The following AMMECR1 variants were observed in gnomAD, a reference collection of about 807,000 sequenced individuals.
The protein encoded by AMMECR1 is nuclear protein AMMECR1.
A neutral mutation model predicts 22.5 loss-of-function variants in AMMECR1; 3 were observed. The ratio of observed to expected loss-of-function variants is 0.13; its 90% CI spans 0.06 to 0.35. The LOEUF is 0.35. Among genes scored for constraint, AMMECR1 ranks in the 10% least tolerant of loss-of-function variants. The pLI is 1.00. For synonymous variants in AMMECR1, 130 were observed against 116.7 expected, an observed-to-expected ratio of 1.11 and a Z score of -0.74; for missense variants, 235 against 278.7, an observed-to-expected ratio of 0.84 and a Z score of 1.12.
chrX:110,370,770 A>G (rs940347860), intron 2 of AMMECR1, among the ~76,000 whole-genome samples: 1 of 112,277 alleles, frequency 8.9e-6, no homozygotes, highest in Non-Finnish European at 1.9e-5. Context: ...CCACATGGCT[A>G]AGATGTTCAC....
At chrX:110,234,801 C>T (rs1356781759) in intron 2 of AMMECR1, among the ~76,000 whole-genome samples, 1 of 111,675 alleles carries the variant, frequency 9.0e-6, no homozygotes, top group African/African-American at 3.3e-5. Context: ...AACTGGATCC[C>T]TTCCTTACAC....
intron 2 of AMMECR1, among the ~76,000 whole-genome samples, chrX:110,217,968 T>C (rs17320729): frequency 0.02 from 2,268 of 111,329 alleles, 27 homozygotes; most frequent in Middle Eastern, 0.032. Flanking sequence ...TAAAAGTATA[T>C]ATGTTTTTCC....
intron 4 of AMMECR1, 24 bp downstream of exon 4, chrX:110,202,422 T>C: frequency 1.8e-6 from 2 of 1,136,166 alleles, no homozygotes; most frequent in Non-Finnish European, 1.2e-6. Flanking sequence ...CACCAGATCA[T>C]ATGAAATAAA....
intron 1 of AMMECR1, among the ~76,000 whole-genome samples, chrX:110,292,389 C>G (rs1210618572): frequency 1.8e-5 from 2 of 111,879 alleles, no homozygotes; most frequent in Non-Finnish European, 3.8e-5. Context: ...AACCTTATGT[C>G]CACACAAAAC....
intron 2 of AMMECR1, among the ~76,000 whole-genome samples, chrX:110,332,483 CTGGTG>C (rs1419582231): frequency 5.4e-5 from 6 of 112,096 alleles, no homozygotes; most frequent in African/African-American, 1.9e-4. Flanking sequence ...CTGCTGCTTA[CTGGTG>C]CCATGCCTCA....
chrX:110,400,342 A>G (rs771098738), intron 2 of AMMECR1, among the ~76,000 whole-genome samples: 4 of 108,605 alleles, frequency 3.7e-5, no homozygotes, highest in Non-Finnish European at 7.6e-5. Context: ...AAACTATTCT[A>G]AATATAAGGA....
At chrX:110,387,252 C>T (rs1274266050) in intron 2 of AMMECR1, among the ~76,000 whole-genome samples, 2 of 112,462 alleles carry the variant, frequency 1.8e-5, no homozygotes, top group Non-Finnish European at 3.8e-5. Context: ...TGAAGACTTA[C>T]GTGGCCTCTG....
intron 2 of AMMECR1, among the ~76,000 whole-genome samples, chrX:110,347,729 G>A (rs944483552): frequency 1.2e-4 from 14 of 112,489 alleles, no homozygotes; most frequent in African/African-American, 4.2e-4. Context: ...AGAGCTGCTT[G>A]TAACAAAAAT....
intron 2 of AMMECR1, among the ~76,000 whole-genome samples, chrX:110,380,345 T>C (rs1451339790): frequency 9.9e-6 from 1 of 101,044 alleles, no homozygotes; most frequent in Non-Finnish European, 1.9e-5. Flanking sequence ...CAATTTACAA[T>C]AGCCATACAA....
chrX:110,200,595 C>T (rs868172545), intron 5 of AMMECR1, among the ~76,000 whole-genome samples: 5 of 111,881 alleles, frequency 4.5e-5, no homozygotes, highest in African/African-American at 6.5e-5. Context: ...AGATTAAATT[C>T]GAATTTGAGG....
At chrX:110,220,088 T>C in intron 2 of AMMECR1, among the ~76,000 whole-genome samples, 1 of 111,731 alleles carries the variant, frequency 9.0e-6, no homozygotes. Context: ...GAATATGCAA[T>C]GTTGAAATTG....
At chrX:110,260,593 G>A (rs1372299403) in intron 2 of AMMECR1, among the ~76,000 whole-genome samples, 1 of 110,852 alleles carries the variant, frequency 9.0e-6, no homozygotes, top group African/African-American at 3.3e-5. Flanking sequence ...ATTCAGGATA[G>A]GCATTTCATT....
rs1201123866 is a variant in AMMECR1 at position 110,392,663 on chromosome X, G to C, written c.-148+33995C>G. Among the ~76,000 whole-genome samples, 6 of 111,675 alleles carry C rather than the reference G, an allele frequency of 5.4e-5. No individual in the cohort carries two copies. In the South Asian group the frequency reaches 2.3e-3, roughly 43 times the overall value. On this transcript the variant is annotated intron_variant, in intron 2 of 7. Transcript: ENST00000372057. ...TCACGCAAGAGTGCCTTTTGAGCCT[G>C]TGTTTGACAGGAAGTTTCTATTCAG...
chrX:110,317,752 G>A lies in AMMECR1; in HGVS notation c.320C>T (p.Ser107Leu). ...LSTPAAATSS[S>L]PSSSSAASSS... ...CGAGGCGGCGGACGATGAGGAGGGTGAGGAAGAGGTGGCGGCGGCCGGGGT... is the reference window on the plus strand; with the variant it reads ...CGAGGCGGCGGACGATGAGGAGGGTAAGGAAGAGGTGGCGGCGGCCGGGGT... The change falls in exon 1 of 6, where the codon TCA (serine) becomes TTA (leucine). Residue 107 changes from serine to leucine, a missense_variant. This residue lies in a region of AMMECR1 where 124 missense variants were observed against 97.0 expected (regional missense o/e 1.28). Transcript: ENST00000262844. 8.4e-7 allele frequency: 1 copy of A among 1,190,774 alleles called. No homozygotes were observed. Among genetic ancestry groups the A allele is most frequent in the Non-Finnish European group, 1.1e-6 (1 of 884,331 alleles).
At chrX:110,402,320 C>T (rs772566553) in intron 2 of AMMECR1, among the ~76,000 whole-genome samples, 57 of 113,064 alleles carry the variant, frequency 5.0e-4, no homozygotes, top group Non-Finnish European at 8.8e-4. Flanking sequence ...CCGTCATGGT[C>T]GGCATACAAT....
At chrX:110,413,397 C>T (rs972231121) in intron 2 of AMMECR1, among the ~76,000 whole-genome samples, 3 of 111,009 alleles carry the variant, frequency 2.7e-5, no homozygotes, top group African/African-American at 9.8e-5. Context: ...CTCTAGCTTC[C>T]CCTGTTTGCT....
At chrX:110,270,507 A>T (rs1267970875) in intron 1 of AMMECR1, among the ~76,000 whole-genome samples, 1 of 111,269 alleles carries the variant, frequency 9.0e-6, no homozygotes, top group Admixed American at 9.5e-5. Flanking sequence ...AAAAAATGTG[A>T]GTGGCAAACC....
chrX:110,233,126 G>A (rs964887116), intron 2 of AMMECR1, among the ~76,000 whole-genome samples: 6 of 109,332 alleles, frequency 5.5e-5, no homozygotes, highest in African/African-American at 1.0e-4. Flanking sequence ...TCAAATAGAC[G>A]CAAGAAGAAA....
chrX:110,208,830 GA>G (rs775236401), intron 3 of AMMECR1, among the ~76,000 whole-genome samples: 1 of 111,224 alleles, frequency 9.0e-6, no homozygotes, highest in African/African-American at 3.3e-5. Flanking sequence ...CAATTAAGGG[GA>G]AAAAACCCCC....
Sources: allele counts gnomAD v4.1 joint callset (sites outside exome capture counted in the v4.1 genomes callset), GRCh38; gene constraint gnomAD v4.1.1; regional missense constraint gnomAD v4.1.1; transcripts MANE v1.5; gene names NCBI Gene and HGNC (gene_info 2026-07-23, HGNC 2026-07-21).